The following ZNF165 variants were observed in gnomAD, a reference collection of about 807,000 sequenced individuals.
ZNF165 encodes the protein cancer/testis antigen 53.
A neutral mutation model predicts 19.6 loss-of-function variants in ZNF165; 14 were observed. The observed-to-expected ratio is 0.71, with a 90% CI of 0.47 to 1.12. The LOEUF is 1.12. Among genes scored for constraint, ZNF165 ranks in the 50% most tolerant of loss-of-function variants. The pLI, the probability that ZNF165 is intolerant of heterozygous loss-of-function variation, is 0.00. For synonymous variants in ZNF165, 165 were observed against 195.0 expected (o/e 0.85, Z 1.28); for missense variants, 504 against 566.3 (o/e 0.89, Z 1.12).
Position 28,088,848 on chromosome 6 carries a change from T to A in ZNF165, c.836T>A (p.Leu279Ter). Reference sequence around the variant, plus strand: ...AGCCACGATGGATGTGAGAGGAGATTAAATCTGAACTCAAATGAATTCACA... The same window carrying A: ...AGCCACGATGGATGTGAGAGGAGATAAAATCTGAACTCAAATGAATTCACA... ...IISHDGCERRLNLNSNEFTHQ... is the reference protein window; with the variant it reads ...IISHDGCERR Residue 279 changes from leucine (L) to a stop codon, truncating the protein, a stop_gained, in exon 4 of 4, where the codon TTA (leucine) becomes TAA (stop). Coordinates refer to ENST00000683778, the MANE Select transcript of ZNF165 (RefSeq NM_001376491.1). LOFTEE classifies it low-confidence loss of function (END_TRUNC). The A allele has an allele frequency of 8.1e-6, 13 of 1,614,192 alleles. No homozygotes were observed. Among genetic ancestry groups the A allele is most frequent in the Non-Finnish European group, 1.1e-5 (13 of 1,180,034 alleles).
chr6:28,082,892 G>A (rs1167251331), intron 1 of ZNF165, among the ~76,000 whole-genome samples: 2 of 152,204 alleles, frequency 1.3e-5, no homozygotes, highest in Non-Finnish European at 2.9e-5. Context: ...CAAAACAGAA[G>A]TCATCTGAAA....
intron 3 of ZNF165, among the ~76,000 whole-genome samples, chr6:28,086,846 GA>G (rs1452332580): frequency 1.3e-5 from 2 of 151,792 alleles, no homozygotes; most frequent in Non-Finnish European, 2.9e-5. Context: ...CAAATTAAAG[GA>G]AATAAAAGTG....
chr6:28,084,664 A>AC (rs1346246218), intron 1 of ZNF165, among the ~76,000 whole-genome samples: 1 of 152,100 alleles, frequency 6.6e-6, no homozygotes, highest in African/African-American at 2.4e-5. Context: ...CTCTCAAAAA[A>AC]CAAAAAAAAG....
rs377323215 is a variant in ZNF165 at position 28,085,713 on chromosome 6, T to G, written c.233T>G (p.Leu78Arg). The G allele has an allele frequency of 2.5e-6, 4 of 1,613,864 alleles. No individual in the cohort carries two copies. In the African/African-American group the frequency reaches 4.0e-5, roughly 16 times the overall value. ...SRLRELCCQW[L>R]KPEIHTKEQI... ...CTCCGGGAGCTCTGCTGTCAGTGGC[T>G]GAAGCCAGAGATCCATACCAAGGAA... The change falls in exon 2 of 4, where the codon CTG (leucine) becomes CGG (arginine). Residue 78 changes from leucine (L) to arginine (R), a missense_variant. Leu to Arg is a moderately radical substitution (Grantham distance 102). Transcript: ENST00000683778.
chr6:28,087,618 T>G lies in ZNF165; in HGVS notation c.551-945T>G, dbSNP rs569540876. On this transcript the variant is annotated intron_variant, in intron 3 of 3. Coordinates refer to ENST00000683778, the MANE Select transcript of ZNF165 (RefSeq NM_001376491.1). ...TGGAAACATCTCCATCTGTCGTATATAAAATTGTAAATTTCCCTCACCCCA... is the reference window on the plus strand; with the variant it reads ...TGGAAACATCTCCATCTGTCGTATAGAAAATTGTAAATTTCCCTCACCCCA... Among the ~76,000 whole-genome samples, 4 of 152,318 alleles carry G rather than the reference T, an allele frequency of 2.6e-5. No homozygotes were observed. The East Asian group carries it at 7.7e-4, about 29-fold the overall frequency.
chr6:28,081,898 C>T (rs1764164895), intron 1 of ZNF165, among the ~76,000 whole-genome samples: 1 of 152,148 alleles, frequency 6.6e-6, no homozygotes, highest in African/African-American at 2.4e-5. Flanking sequence ...AGTGATAAAA[C>T]ACCTGGAGAT....
At chr6:28,086,610 G>A (rs1257567189) in intron 3 of ZNF165, among the ~76,000 whole-genome samples, 1 of 152,176 alleles carries the variant, frequency 6.6e-6, no homozygotes, top group Non-Finnish European at 1.5e-5. Flanking sequence ...TCGGAAGGCT[G>A]AGGCAGGAGA....
In ZNF165 at chr6:28,080,913, T is replaced by TAA. The variant is rs918405426; in HGVS notation, c.-57_-56insAA. On this transcript the variant is annotated 5_prime_UTR_variant, in exon 1 of 4. Transcript: ENST00000683778. ...CCCTGTGGACGGAATTCTTGAAGTG[T>TAA]AGCGCCGCTCAGTCCTTCCACCGGA... 6 of 152,228 alleles carry TAA rather than the reference T, an allele frequency of 3.9e-5. No homozygotes were observed. The highest frequency in any genetic ancestry group is 7.3e-5 in the Non-Finnish European group (5 of 68,086). The allele number at this position is 152,228 out of a possible 1,614,324, so 9.4% of individuals were successfully genotyped here.
rs936166134 is a variant in ZNF165, at chr6:28,085,558, G to A, written c.78G>A (p.Glu26=). The change falls in exon 2 of 4, where the codon GAG becomes GAA. Residue 26 remains glutamate (E), a synonymous_variant. Transcript: ENST00000683778. ...GACTTCTGATAGTGAAGATAGAAGA[G>A]GAAGAATTTATCCATGGGCAGGACA... is the stretch of plus-strand genomic sequence containing the variant. ...DEGLLIVKIE[E]EEFIHGQDTC... 1 of 1,614,240 alleles carries A rather than the reference G, an allele frequency of 6.2e-7. No homozygotes were observed. The highest frequency in any genetic ancestry group is 8.5e-7 in the Non-Finnish European group (1 of 1,180,038).
At chr6:28,086,449 G>A (rs1013368880) in intron 3 of ZNF165, 139 bp downstream of exon 3, 54 of 1,276,402 alleles carry the variant, frequency 4.2e-5, no homozygotes, top group Non-Finnish European at 5.2e-5. Context: ...GGCCAGGTGC[G>A]GTGGCTCACT....
chr6:28,084,653 C>T (rs1764230354), intron 1 of ZNF165, among the ~76,000 whole-genome samples: 1 of 151,832 alleles, frequency 6.6e-6, no homozygotes, highest in Non-Finnish European at 1.5e-5. Flanking sequence ...AGTAAGACTC[C>T]CTCTCAAAAA....
At chr6:28,086,071 C>A in intron 2 of ZNF165, 101 bp from the exon 3 acceptor site, 1 of 1,526,742 alleles carries the variant, frequency 6.5e-7, no homozygotes, top group Non-Finnish European at 8.8e-7. Context: ...TCGATTCTTC[C>A]TTCCCCAGTT....
chr6:28,086,535 A>G (rs893189674), intron 3 of ZNF165, among the ~76,000 whole-genome samples: 1 of 152,252 alleles, frequency 6.6e-6, no homozygotes, highest in African/African-American at 2.4e-5. Context: ...CCTGGCTAAC[A>G]TGGTGAAACC....
In ZNF165 at chr6:28,088,746, A is replaced by G; in HGVS notation, c.734A>G (p.Gln245Arg). ...RQWEKESGES[Q>R]RLSSAQDEGF... The stretch of plus-strand genomic sequence containing the variant: ...TGGGAAAAAGAATCAGGGGAGTCTC[A>G]GAGACTCTCGTCTGCCCAGGATGAA... The change falls in exon 4 of 4, where the codon CAG becomes CGG. Residue 245 changes from glutamine to arginine, a missense_variant. By Grantham distance (43) the Gln-to-Arg change is conservative (BLOSUM62 1). Coordinates refer to ENST00000683778, the MANE Select transcript of ZNF165 (RefSeq NM_001376491.1). 1 of 1,614,186 alleles carries G rather than the reference A, an allele frequency of 6.2e-7. No homozygotes were observed. The highest frequency in any genetic ancestry group is 1.6e-4 in the Middle Eastern group (1 of 6,062).
At chr6:28,085,972 T>C in intron 2 of ZNF165, 81 bp downstream of exon 2, 1 of 1,555,814 alleles carries the variant, frequency 6.4e-7, no homozygotes, top group Non-Finnish European at 8.7e-7. Context: ...ATTGCATATC[T>C]AGCTTGCAGG....
intron 3 of ZNF165, 106 bp from the exon 4 acceptor site, chr6:28,088,457 T>C (rs1764338992): frequency 4.5e-6 from 4 of 889,832 alleles, no homozygotes; most frequent in Admixed American, 2.8e-5. Flanking sequence ...ATGTGAAAGG[T>C]CATATATTAA....
At chr6:28,084,744 C>T (rs1057091639) in intron 1 of ZNF165, among the ~76,000 whole-genome samples, 3 of 152,134 alleles carry the variant, frequency 2.0e-5, no homozygotes, top group Admixed American at 1.3e-4. Flanking sequence ...AAATGAAGAA[C>T]ATATTCATCT....
chr6:28,085,432 T>C (rs1764251709), intron 1 of ZNF165, 49 bp from the exon 2 acceptor site: 2 of 1,568,512 alleles, frequency 1.3e-6, no homozygotes, highest in African/African-American at 1.4e-5. Flanking sequence ...CTCTTGAAAC[T>C]AAAGAAGACC....
chr6:28,088,619 G>T lies in ZNF165; in HGVS notation c.607G>T (p.Glu203Ter). ...MPKLEIFEKI[E>*]SQRIISGRIS... is the part of the protein sequence containing the mutation. Reference sequence around the variant, plus strand: ...AAAGCTGGAAATTTTTGAAAAAATTGAATCACAGAGAATTATATCTGGAAG... The same window carrying T: ...AAAGCTGGAAATTTTTGAAAAAATTTAATCACAGAGAATTATATCTGGAAG... Residue 203 changes from glutamate to a stop codon, truncating the protein, a stop_gained, in exon 4 of 4, where the codon GAA becomes TAA. Coordinates refer to ENST00000683778, the MANE Select transcript of ZNF165 (RefSeq NM_001376491.1). LOFTEE classifies it low-confidence loss of function (END_TRUNC). The T allele has an allele frequency of 1.2e-6, 2 of 1,611,570 alleles. No individual in the cohort carries two copies. Among genetic ancestry groups the T allele is most frequent in the Non-Finnish European group, 8.5e-7 (1 of 1,179,412 alleles).
Sources: gnomAD v4.1 joint callset for allele counts (sites outside exome capture counted in the v4.1 genomes callset) on GRCh38, gnomAD v4.1.1 for gene constraint, MANE v1.5 for transcripts, NCBI Gene and HGNC (gene_info 2026-07-23, HGNC 2026-07-21) for gene names.